The following GPC6 variants were observed in gnomAD, a reference collection of about 807,000 sequenced individuals.
The protein encoded by GPC6 is glypican-6.
A neutral mutation model predicts 55.2 loss-of-function variants in GPC6; 14 were observed. The ratio of observed to expected loss-of-function variants is 0.25; its 90% CI spans 0.17 to 0.40. The LOEUF (loss-of-function observed/expected upper bound fraction) is 0.40, where lower values mean the gene tolerates loss of function less well. GPC6 is among the 10% of genes least tolerant of loss of function. The probability of loss-of-function intolerance (pLI) is 1.00; values close to 1 mark genes in which losing one functional copy is unlikely to be tolerated. For missense variants in GPC6, 641 were observed against 708.5 expected, an observed-to-expected ratio of 0.90 and a Z score of 1.08; for synonymous variants, 278 against 259.6, an observed-to-expected ratio of 1.07 and a Z score of -0.68.
At chr13:94,266,476 G>GT (rs1209874736) in intron 4 of GPC6, among the ~76,000 whole-genome samples, 11 of 152,002 alleles carry the variant, frequency 7.2e-5, no homozygotes, top group Admixed American at 7.2e-4. Context: ...CCATCTCCCT[G>GT]TTTTTTCTTA....
chr13:93,516,478 G>A (rs1466849065), intron 1 of GPC6, among the ~76,000 whole-genome samples: 1 of 151,988 alleles, frequency 6.6e-6, no homozygotes, highest in Non-Finnish European at 1.5e-5. Context: ...GTGGGGCACA[G>A]GTACAATTGG....
At chr13:94,176,142 T>G (rs1194334742) in intron 4 of GPC6, among the ~76,000 whole-genome samples, 1 of 152,078 alleles carries the variant, frequency 6.6e-6, no homozygotes, top group African/African-American at 2.4e-5. Context: ...ATTTCATTCC[T>G]AAGACAAGAT....
At chr13:94,147,670 C>G (rs533201062) in intron 4 of GPC6, among the ~76,000 whole-genome samples, 3 of 152,256 alleles carry the variant, frequency 2.0e-5, no homozygotes, top group African/African-American at 7.2e-5. Context: ...CCCTGAGGCC[C>G]TGGCTCTGTG....
intron 6 of GPC6, among the ~76,000 whole-genome samples, chr13:94,342,602 GTTGTT>G (rs1381013240): frequency 6.6e-5 from 10 of 152,180 alleles, no homozygotes; most frequent in African/African-American, 2.4e-4. Context: ...ATACATTTCT[GTTGTT>G]TTAAGTCACC....
chr13:94,202,020 T>G (rs567230812), intron 4 of GPC6, among the ~76,000 whole-genome samples: 1 of 152,276 alleles, frequency 6.6e-6, no homozygotes, highest in South Asian at 2.1e-4. Flanking sequence ...CTCTGAATAC[T>G]GGGTTCTGAA....
intron 3 of GPC6, among the ~76,000 whole-genome samples, chr13:93,882,522 A>T (rs1324554826): frequency 6.6e-6 from 1 of 152,040 alleles, no homozygotes; most frequent in Admixed American, 6.6e-5. Flanking sequence ...TTAGATTTGT[A>T]TGTTAGACTC....
chr13:93,838,551 C>T (rs546217824), intron 3 of GPC6, among the ~76,000 whole-genome samples: 7 of 152,216 alleles, frequency 4.6e-5, no homozygotes, highest in Admixed American at 3.9e-4. Flanking sequence ...AAGAGCATCA[C>T]GTGAGCTGTG....
At chr13:93,624,493 G>A (rs963937646) in intron 2 of GPC6, among the ~76,000 whole-genome samples, 2 of 152,172 alleles carry the variant, frequency 1.3e-5, no homozygotes, top group East Asian at 1.9e-4. Flanking sequence ...CTATTTCATT[G>A]TGAATGGAAA....
intron 1 of GPC6, among the ~76,000 whole-genome samples, chr13:93,309,242 TAAGTA>T (rs1490413860): frequency 1.5e-4 from 23 of 152,150 alleles, no homozygotes; most frequent in Admixed American, 1.5e-3. Context: ...TGTGACTTTT[TAAGTA>T]TAAAAGTCAA....
intron 1 of GPC6, among the ~76,000 whole-genome samples, chr13:93,276,489 AGAGAGAGTGT>A (rs57950631): frequency 4.1e-3 from 533 of 131,294 alleles, no homozygotes; most frequent in African/African-American, 0.015. Context: ...AGAGAGAGAG[AGAGAGAGTGT>A]GTGTGTGTGT....
At chr13:94,203,413 T>C (rs74105745) in intron 4 of GPC6, among the ~76,000 whole-genome samples, 1,995 of 152,126 alleles carry the variant, frequency 0.013, 40 homozygotes, top group African/African-American at 0.044. Flanking sequence ...TGGAAAGCAA[T>C]GAGAAGCTTT....
chr13:93,269,656 T>G (rs1191171488), intron 1 of GPC6, among the ~76,000 whole-genome samples: 1 of 151,444 alleles, frequency 6.6e-6, no homozygotes, highest in Non-Finnish European at 1.5e-5. Flanking sequence ...CCGGACACGG[T>G]GGCTCACGCC....
chr13:93,972,186 T>G (rs1880312927), intron 3 of GPC6, among the ~76,000 whole-genome samples: 1 of 152,202 alleles, frequency 6.6e-6, no homozygotes, highest in Admixed American at 6.5e-5. Flanking sequence ...CACACTTCAC[T>G]TTGGATTGGC....
chr13:93,776,220 A>T (rs1751268488), intron 2 of GPC6, among the ~76,000 whole-genome samples: 1 of 152,130 alleles, frequency 6.6e-6, no homozygotes, highest in Admixed American at 6.6e-5. Context: ...GAATTTCATT[A>T]TGTTAATAGT....
At chr13:93,439,600 T>C (rs770190171) in intron 1 of GPC6, among the ~76,000 whole-genome samples, 76 of 151,734 alleles carry the variant, frequency 5.0e-4, no homozygotes, top group Non-Finnish European at 8.8e-4. Flanking sequence ...AGGTGGACAT[T>C]GCAGTGAGCC....
At chr13:93,354,788 G>T (rs1880784726) in intron 1 of GPC6, among the ~76,000 whole-genome samples, 1 of 152,068 alleles carries the variant, frequency 6.6e-6, no homozygotes. Context: ...GCATTTCTCT[G>T]TCCAGCTGTG....
intron 2 of GPC6, among the ~76,000 whole-genome samples, chr13:93,605,046 G>A (rs1335540101): frequency 6.6e-6 from 1 of 152,142 alleles, no homozygotes; most frequent in Non-Finnish European, 1.5e-5. Flanking sequence ...AATCCTAAAG[G>A]ATGGATCCCT....
intron 3 of GPC6, among the ~76,000 whole-genome samples, chr13:93,839,610 C>T (rs1887876294): frequency 6.6e-6 from 1 of 152,148 alleles, no homozygotes; most frequent in African/African-American, 2.4e-5. Context: ...ATCGTCATCA[C>T]TTACACATGT....
At chr13:93,694,748 A>G (rs115963062) in intron 2 of GPC6, among the ~76,000 whole-genome samples, 165 of 152,278 alleles carry the variant, frequency 1.1e-3, no homozygotes, top group African/African-American at 3.7e-3. Flanking sequence ...CTCTCAGGCA[A>G]ACACTGAAGA....
Sources: allele counts gnomAD v4.1 joint callset (sites outside exome capture counted in the v4.1 genomes callset), GRCh38; gene constraint gnomAD v4.1.1; transcripts MANE v1.5; gene names NCBI Gene and HGNC (gene_info 2026-07-23, HGNC 2026-07-21).